CDH20: variants seen among roughly 807,000 people sequenced by gnomAD.
CDH20 encodes cadherin-20.
A neutral mutation model predicts 74.2 loss-of-function variants in CDH20; 29 were observed. That is an observed-to-expected ratio of 0.39 (90% confidence interval 0.29 to 0.53). The LOEUF (loss-of-function observed/expected upper bound fraction) is 0.53, where lower values mean the gene tolerates loss of function less well. CDH20 is among the 20% of genes least tolerant of loss of function. CDH20 has a pLI of 0.69. For synonymous variants in CDH20, 469 were observed against 405.4 expected (o/e 1.16, Z -1.88); for missense variants, 988 against 1,048.3 (o/e 0.94, Z 0.79).
At chr18:61,514,615 C>T (rs1374630422) in intron 6 of CDH20, among the ~76,000 whole-genome samples, 1 of 150,522 alleles carries the variant, frequency 6.6e-6, no homozygotes, top group African/African-American at 2.4e-5. Flanking sequence ...TCTGTTTTTT[C>T]CCCATCTTTG....
At chr18:61,349,721 G>A (rs1910243503) in intron 1 of CDH20, among the ~76,000 whole-genome samples, 1 of 149,534 alleles carries the variant, frequency 6.7e-6, no homozygotes, top group Non-Finnish European at 1.5e-5. Flanking sequence ...TTAGGCCAGA[G>A]AGTATATAAA....
At chr18:61,460,143 G>T (rs1257400292) in intron 1 of CDH20, among the ~76,000 whole-genome samples, 6 of 152,126 alleles carry the variant, frequency 3.9e-5, no homozygotes, top group Non-Finnish European at 8.8e-5. Flanking sequence ...CTTTCAATTT[G>T]GCAGGCGGGA....
At chr18:61,532,275 C>T (rs1363460681) in intron 7 of CDH20, among the ~76,000 whole-genome samples, 1 of 152,114 alleles carries the variant, frequency 6.6e-6, no homozygotes, top group East Asian at 1.9e-4. Context: ...CAGTGCCTGG[C>T]TTACAGTGAA....
At chr18:61,380,808 T>C (rs1239752735) in intron 1 of CDH20, among the ~76,000 whole-genome samples, 1 of 146,938 alleles carries the variant, frequency 6.8e-6, no homozygotes, top group African/African-American at 2.5e-5. Flanking sequence ...ACACTCCATC[T>C]CAAAACAAAA....
intron 1 of CDH20, among the ~76,000 whole-genome samples, chr18:61,351,716 G>A (rs780367078): frequency 6.6e-5 from 10 of 151,938 alleles, no homozygotes; most frequent in Non-Finnish European, 8.8e-5. Context: ...CTAAATCTGT[G>A]TACAAGCTCT....
chr18:61,390,301 T>A (rs1475390239), intron 1 of CDH20, among the ~76,000 whole-genome samples: 1 of 152,224 alleles, frequency 6.6e-6, no homozygotes, highest in Non-Finnish European at 1.5e-5. Flanking sequence ...GTTTCTCATA[T>A]ATTTCAGAAA....
At chr18:61,361,601 G>A (rs1183735386) in intron 1 of CDH20, among the ~76,000 whole-genome samples, 3 of 152,148 alleles carry the variant, frequency 2.0e-5, no homozygotes, top group East Asian at 1.9e-4. Flanking sequence ...AGAATCATAA[G>A]AGGTCACCTA....
Position 61,465,241 on chromosome 18 carries a change from C to A in CDH20, c.-152-25161C>A, listed in dbSNP as rs980415789. Among the ~76,000 whole-genome samples, 34 of 152,078 alleles carry A rather than the reference C, an allele frequency of 2.2e-4. 1 individual carries two copies. Among genetic ancestry groups the A allele is most frequent in the African/African-American group, 8.0e-4 (33 of 41,412 alleles). ...AACACCTTACTTTCTACACATATAC[C>A]CCTACAGCTGCTAAAAAGAAAACCA... On this transcript the variant is annotated intron_variant, in intron 1 of 11. Transcript: ENST00000262717.
At chr18:61,351,358 G>T (rs1426283362) in intron 1 of CDH20, among the ~76,000 whole-genome samples, 1 of 152,088 alleles carries the variant, frequency 6.6e-6, no homozygotes, top group Non-Finnish European at 1.5e-5. Flanking sequence ...TTGCAGTCTG[G>T]TTGACTTTAA....
At chr18:61,476,531 G>T (rs984829250) in intron 1 of CDH20, among the ~76,000 whole-genome samples, 1 of 152,154 alleles carries the variant, frequency 6.6e-6, no homozygotes, top group Non-Finnish European at 1.5e-5. Flanking sequence ...TATAACAAGA[G>T]CTAGCTAGAA....
intron 1 of CDH20, among the ~76,000 whole-genome samples, chr18:61,426,881 G>A (rs1236280012): frequency 6.6e-6 from 1 of 152,150 alleles, no homozygotes; most frequent in Non-Finnish European, 1.5e-5. Flanking sequence ...GATGACTCCA[G>A]CAGAGAAATT....
At chr18:61,343,889 T>A (rs112880880) in intron 1 of CDH20, among the ~76,000 whole-genome samples, 1 of 152,130 alleles carries the variant, frequency 6.6e-6, no homozygotes, top group Non-Finnish European at 1.5e-5. Context: ...AGCTTCCTAA[T>A]GATGAACTGC....
At chr18:61,526,090 C>T (rs1448947721) in intron 6 of CDH20, among the ~76,000 whole-genome samples, 2 of 146,040 alleles carry the variant, frequency 1.4e-5, no homozygotes, top group Non-Finnish European at 3.0e-5. Flanking sequence ...GGCTTACAGG[C>T]ATGAACCACT....
intron 6 of CDH20, among the ~76,000 whole-genome samples, chr18:61,525,435 A>G (rs554938130): frequency 1.3e-5 from 2 of 152,352 alleles, no homozygotes; most frequent in South Asian, 4.1e-4. Context: ...TTACCAGGAA[A>G]GAAAAATGTT....
chr18:61,394,184 G>C (rs138392920), intron 1 of CDH20, among the ~76,000 whole-genome samples: 2 of 152,236 alleles, frequency 1.3e-5, no homozygotes, highest in East Asian at 3.9e-4. Flanking sequence ...ATGCTCAGGT[G>C]CTCAGAACAG....
At chr18:61,411,633 C>CCACACACACA (rs138526165) in intron 1 of CDH20, among the ~76,000 whole-genome samples, 4 of 143,128 alleles carry the variant, frequency 2.8e-5, no homozygotes, top group Non-Finnish European at 4.6e-5. Context: ...AGATATGTAT[C>CCACACACACA]CACACACACA....
At chr18:61,427,309 A>G (rs553342717) in intron 1 of CDH20, among the ~76,000 whole-genome samples, 1 of 152,090 alleles carries the variant, frequency 6.6e-6, no homozygotes, top group East Asian at 1.9e-4. Flanking sequence ...AACCCAGTGA[A>G]GTACGTACTA....
chr18:61,502,881 A>G, intron 4 of CDH20, 72 bp from the exon 5 acceptor site: 2 of 1,280,472 alleles, frequency 1.6e-6, no homozygotes, highest in Admixed American at 2.2e-5. Context: ...CCAGGGAGAC[A>G]CCTAGAAACC....
At chr18:61,427,927 A>G (rs1027676975) in intron 1 of CDH20, among the ~76,000 whole-genome samples, 1 of 152,224 alleles carries the variant, frequency 6.6e-6, no homozygotes, top group Non-Finnish European at 1.5e-5. Context: ...GACATCTTCC[A>G]TTCACCTACA....
Sources: allele counts gnomAD v4.1 joint callset (sites outside exome capture counted in the v4.1 genomes callset), GRCh38; gene constraint gnomAD v4.1.1; transcripts MANE v1.5; gene names NCBI Gene and HGNC (gene_info 2026-07-23, HGNC 2026-07-21).